ZNF514: variants seen among roughly 807,000 people sequenced by gnomAD.
The protein encoded by ZNF514 is zinc finger protein 514.
Under a neutral mutation model 9.7 loss-of-function variants are expected in ZNF514, and 12 were observed. The observed-to-expected ratio is 1.24, with a 90% confidence interval of 0.79 to 2.01. The LOEUF is 2.01. ZNF514 is among the 30% of genes most tolerant of loss of function. The probability of loss-of-function intolerance (pLI) is 0.00; values close to 1 mark genes in which losing one functional copy is unlikely to be tolerated. For synonymous variants in ZNF514, 158 were observed against 163.7 expected (o/e 0.97, Z 0.27); for missense variants, 467 against 465.5 (o/e 1.00, Z -0.03).
chr2:95,136,623 G>GA, the ZNF514 span, among the ~76,000 whole-genome samples: 1,075 of 142,000 alleles, frequency 7.6e-3, 37 homozygotes, highest in East Asian at 0.12. Context: ...CTCCTAACAG[G>GA]AAAAAAAAAA....
rs1017834361 is a variant in ZNF514, at chr2:95,147,421, A to T, written c.*1861T>A. The T allele has an allele frequency of 2.0e-5, 3 of 152,186 alleles. No individual in the cohort carries two copies. The highest frequency in any genetic ancestry group is 7.2e-5 in the African/African-American group (3 of 41,456). The allele number at this position is 152,186 out of a possible 1,614,324, so 9.4% of individuals were successfully genotyped here. A position where few individuals can be genotyped will look rare whatever the true frequency, so the allele number is the denominator to read the frequency against. On this transcript the variant is annotated 3_prime_UTR_variant, in exon 5 of 5. Coordinates refer to ENST00000295208, the MANE Select transcript of ZNF514 (RefSeq NM_032788.3). ...TCAATGATTTTTAGTGAAGTTACCA[A>T]ATCGTTCAACCATCACCACCATCTA...
chr2:95,159,544 C>A lies in ZNF514; in HGVS notation c.-400G>T, dbSNP rs1673790761. On this transcript the variant is annotated 5_prime_UTR_variant, in exon 1 of 5. Coordinates refer to ENST00000295208, the MANE Select transcript of ZNF514 (RefSeq NM_032788.3). Reference sequence around the variant, plus strand: ...AAGGGGCCGGGGCGCGGGCCCAGTACAGGTCTGCGCGCCCGCAGTCTCCGA... The same window carrying A: ...AAGGGGCCGGGGCGCGGGCCCAGTAAAGGTCTGCGCGCCCGCAGTCTCCGA... 6.6e-6 allele frequency: 1 copy of A among 152,398 alleles called. No individual in the cohort carries two copies. The highest frequency in any genetic ancestry group is 1.5e-5 in the Non-Finnish European group (1 of 67,850). The allele number at this position is 152,398 out of a possible 1,614,324, so 9.4% of individuals were successfully genotyped here. A position where few individuals can be genotyped will look rare whatever the true frequency, so the allele number is the denominator to read the frequency against.
chr2:95,150,419 G>T lies in ZNF514; in HGVS notation c.218-152C>A, dbSNP rs893746637. The T allele has an allele frequency of 2.2e-5, 19 of 845,910 alleles. No individual in the cohort carries two copies. The Admixed American group carries it at 4.0e-4, about 18-fold the overall frequency. The allele number at this position is 845,910 out of a possible 1,614,324, so 52.4% of individuals were successfully genotyped here. On this transcript the variant is annotated intron_variant, in intron 4 of 4. Coordinates refer to ENST00000295208, the MANE Select transcript of ZNF514 (RefSeq NM_032788.3). ...ACAGATTTTTTCAATAATGGCTTAT[G>T]TCTGAAGATGGTTTTGGAGTATCAA...
At chr2:95,152,566 C>T (rs1267004599) in intron 4 of ZNF514, 108 bp downstream of exon 4, 6 of 858,164 alleles carry the variant, frequency 7.0e-6, no homozygotes, top group African/African-American at 3.4e-5. Flanking sequence ...AGGGCTCCTG[C>T]CAAGTGATCT....
At chr2:95,137,769 G>A in the ZNF514 span, among the ~76,000 whole-genome samples, 6 of 152,312 alleles carry the variant, frequency 3.9e-5, no homozygotes, top group South Asian at 1.2e-3. Flanking sequence ...TTTATAGCAA[G>A]TGATCAAGGC....
chr2:95,153,972 A>C (rs1673615219), intron 2 of ZNF514: 1 of 152,254 alleles, frequency 6.6e-6, no homozygotes, highest in Non-Finnish European at 1.5e-5. Context: ...TTCCACAGAA[A>C]AGCTGAAGTA....
intron 2 of ZNF514, chr2:95,153,987 T>C (rs1256525729): frequency 2.0e-5 from 3 of 152,234 alleles, no homozygotes; most frequent in Admixed American, 6.5e-5. Flanking sequence ...GAAGTAACAA[T>C]TTTATAATAT....
Position 95,149,493 on chromosome 2 carries a change from A to T in ZNF514, c.992T>A (p.Leu331His), listed in dbSNP as rs1673461243. 1 of 1,613,948 alleles carries T rather than the reference A, an allele frequency of 6.2e-7. No individual in the cohort carries two copies. The highest frequency in any genetic ancestry group is 1.7e-5 in the Admixed American group (1 of 60,004). ...AGTATGAAATCTGTAATGCACAATG[A>T]GTGATGAGCTCTGGCTGAAGGTTCT... Reference protein sequence around the residue: ...CGRTFSQSSSLIVHYRFHTGE... With the variant: ...CGRTFSQSSSHIVHYRFHTGE... Residue 331 changes from leucine (L) to histidine (H), a missense_variant, in exon 5 of 5, where the codon CTC becomes CAC. Leu to His is a moderately conservative substitution (Grantham distance 99). Coordinates refer to ENST00000295208, the MANE Select transcript of ZNF514 (RefSeq NM_032788.3).
chr2:95,132,172 AGAG>A, the ZNF514 span, among the ~76,000 whole-genome samples: 1 of 149,108 alleles, frequency 6.7e-6, no homozygotes, highest in Non-Finnish European at 1.5e-5. Context: ...AAAAAAAAAC[AGAG>A]AGAGAAAATT....
the ZNF514 span, among the ~76,000 whole-genome samples, chr2:95,124,475 ATTATTT>A: frequency 1.3e-5 from 2 of 152,092 alleles, no homozygotes; most frequent in African/African-American, 4.8e-5. Flanking sequence ...GTCTCATATT[ATTATTT>A]TTATTTTTAT....
intron 1 of ZNF514, chr2:95,158,989 G>T: frequency 1.6e-6 from 2 of 1,283,810 alleles, no homozygotes; most frequent in Non-Finnish European, 2.0e-6. Flanking sequence ...TCCATAGCTG[G>T]GGCTAAGGAG....
the ZNF514 span, among the ~76,000 whole-genome samples, chr2:95,133,751 C>T: frequency 6.6e-6 from 1 of 152,122 alleles, no homozygotes; most frequent in African/African-American, 2.4e-5. Context: ...GGAGGATGTG[C>T]ATGGGTTATA....
rs1343186318 is a variant in ZNF514 at position 95,149,899 on chromosome 2, T to G, written c.586A>C (p.Arg196=). 4.3e-6 allele frequency: 7 copies of G among 1,614,144 alleles called. No individual in the cohort carries two copies. Among genetic ancestry groups the G allele is most frequent in the Non-Finnish European group, 4.2e-6 (5 of 1,180,048 alleles). ...RQTLGGNNSQ[R]THPEKKSCKC... ...CAAGATTTCTTTTCTGGGTGGGTTC[T>G]CTGAGAGTTGTTTCCCCCTAAAGTC... Residue 196 remains arginine, a synonymous_variant, in exon 5 of 5, where the codon AGA becomes CGA. Transcript: ENST00000295208.
the ZNF514 span, among the ~76,000 whole-genome samples, chr2:95,128,388 C>A: frequency 7.4e-6 from 1 of 136,038 alleles, no homozygotes; most frequent in South Asian, 2.5e-4. Flanking sequence ...AAGGCTTCGT[C>A]TCAAAAAAAA....
the ZNF514 span, among the ~76,000 whole-genome samples, chr2:95,127,694 T>C: frequency 6.6e-6 from 1 of 152,166 alleles, no homozygotes; most frequent in African/African-American, 2.4e-5. Flanking sequence ...CGCAGCTCAC[T>C]GCAGCCTCCG....
Position 95,153,058 on chromosome 2 carries a change from C to T in ZNF514, c.121+75G>A, listed in dbSNP as rs2104470717. On this transcript the variant is annotated intron_variant, in intron 3 of 4. Coordinates refer to ENST00000295208, the MANE Select transcript of ZNF514 (RefSeq NM_032788.3). The stretch of plus-strand genomic sequence containing the variant: ...CAGGGCCAAACTTAGCCAACCAGCC[C>T]AGACACCACTAGCTCTTAAACATCA... 2.6e-6 allele frequency: 4 copies of T among 1,551,680 alleles called. No homozygotes were observed. In the South Asian group the frequency reaches 3.6e-5, roughly 14 times the overall value.
At chr2:95,129,478 C>T in the ZNF514 span, among the ~76,000 whole-genome samples, 3 of 152,112 alleles carry the variant, frequency 2.0e-5, no homozygotes, top group African/African-American at 7.2e-5. Context: ...GAAAGGCAGA[C>T]CACAAGATTC....
rs141225698 is a variant in ZNF514 at position 95,146,644 on chromosome 2, G to A, written c.*2638C>T. Among the ~76,000 whole-genome samples the A allele has an allele frequency of 1.2e-3, 181 of 150,166 alleles. 1 individual carries two copies. The highest frequency in any genetic ancestry group is 3.0e-3 in the African/African-American group (122 of 40,800). ...GGGGTGAGGATTTATCTTGTAGGCC[G>A]TGCAAAGGATTTTTGGAGGGCAGGA... is the stretch of plus-strand genomic sequence containing the variant. On this transcript the variant is annotated 3_prime_UTR_variant, in exon 5 of 5. Coordinates refer to ENST00000295208, the MANE Select transcript of ZNF514 (RefSeq NM_032788.3).
At position 95,152,704 on chromosome 2, in the gene ZNF514, C is replaced by A. The variant is rs1673576176; in HGVS notation, c.187G>T (p.Glu63Ter). Residue 63 changes from glutamate to a stop codon, truncating the protein, a stop_gained, in exon 4 of 5, where the codon GAG (glutamate) becomes TAG (stop). Transcript: ENST00000295208. LOFTEE classifies it low-confidence loss of function (END_TRUNC). Reference sequence around the variant, plus strand: ...TGGGCTCCTGTTGAGATTTCTCTCTCCACCATGAAGGGCTCACCCCCTTCC... The same window carrying A: ...TGGGCTCCTGTTGAGATTTCTCTCTACACCATGAAGGGCTCACCCCCTTCC... ...LEEGGEPFMV[E>*]REISTGAHSD... 2 of 1,614,044 alleles carry A rather than the reference C, an allele frequency of 1.2e-6. No homozygotes were observed. The highest frequency in any genetic ancestry group is 1.7e-6 in the Non-Finnish European group (2 of 1,180,040).
Sources: gnomAD v4.1 joint callset for allele counts (sites outside exome capture counted in the v4.1 genomes callset) on GRCh38, gnomAD v4.1.1 for gene constraint, MANE v1.5 for transcripts, NCBI Gene and HGNC (gene_info 2026-07-23, HGNC 2026-07-21) for gene names.